C3orf22: variants seen among roughly 807,000 people sequenced by gnomAD.
The protein encoded by C3orf22 is chromosome 3 open reading frame 22.
In C3orf22, 7 loss-of-function variants were observed where a neutral mutation model predicts 10.8. That is an observed-to-expected ratio of 0.65 (90% CI 0.37 to 1.22). The LOEUF (loss-of-function observed/expected upper bound fraction) is 1.22. Ranked by LOEUF, C3orf22 falls within the 50% of genes most tolerant of loss-of-function variation. The pLI is 0.02. For synonymous variants in C3orf22, 79 were observed against 78.9 expected, an observed-to-expected ratio of 1.00 and a Z score of 0.00; for missense variants, 173 against 177.0, an observed-to-expected ratio of 0.98 and a Z score of 0.13.
At chr3:126,557,449 G>C (rs1358426009) in intron 1 of C3orf22, among the ~76,000 whole-genome samples, 2 of 152,176 alleles carry the variant, frequency 1.3e-5, no homozygotes, top group Non-Finnish European at 2.9e-5. Context: ...CGGTGGGCTC[G>C]GGCAAGACTG....
At chr3:126,557,424 G>C (rs142759030) in intron 1 of C3orf22, among the ~76,000 whole-genome samples, 1 of 152,220 alleles carries the variant, frequency 6.6e-6, no homozygotes, top group Admixed American at 6.5e-5. Context: ...TGGGATTCCG[G>C]AGTCCTCCAA....
At chr3:126,546,826 T>C (rs1937077635), downstream of C3orf22, among the ~76,000 whole-genome samples, 1 of 152,052 alleles carries the variant, frequency 6.6e-6, no homozygotes, top group African/African-American at 2.4e-5. Context: ...CCTCCCTACT[T>C]CTCTATGGGC....
chr3:126,550,766 G>C (rs1299364328), intron 3 of C3orf22, among the ~76,000 whole-genome samples: 2 of 152,192 alleles, frequency 1.3e-5, no homozygotes, highest in Non-Finnish European at 2.9e-5. Context: ...TGGGCCCTGG[G>C]AGCCGCTTGG....
chr3:126,537,740 C>A (rs567684726), intron 4 of C3orf22, among the ~76,000 whole-genome samples: 1 of 149,648 alleles, frequency 6.7e-6, no homozygotes, highest in East Asian at 1.9e-4. Flanking sequence ...TAGCACCTTG[C>A]GGCTGGAGAA....
At chr3:126,542,533 C>A in intron 4 of C3orf22, 4 of 1,535,876 alleles carry the variant, frequency 2.6e-6, no homozygotes, top group South Asian at 1.3e-5. Context: ...AGATGGACTT[C>A]CTGCTTTTCA....
intron 4 of C3orf22, chr3:126,536,314 G>T: frequency 1.2e-6 from 2 of 1,614,068 alleles, no homozygotes; most frequent in Non-Finnish European, 1.7e-6. Flanking sequence ...TTGGTGGGGA[G>T]AAGAGAAGCC....
intron 4 of C3orf22, among the ~76,000 whole-genome samples, chr3:126,540,253 C>CA (rs1383797742): frequency 2.0e-5 from 3 of 152,170 alleles, no homozygotes; most frequent in Non-Finnish European, 4.4e-5. Context: ...ACAACTCTTT[C>CA]AAACCCTACA....
intron 4 of C3orf22, among the ~76,000 whole-genome samples, chr3:126,539,575 A>G (rs1394249594): frequency 1.5e-5 from 2 of 134,318 alleles, no homozygotes; most frequent in Non-Finnish European, 3.2e-5. Flanking sequence ...ACACACACAT[A>G]TGTACCCCAC....
chr3:126,536,701 G>A (rs1437432762), intron 4 of C3orf22, among the ~76,000 whole-genome samples: 2 of 151,856 alleles, frequency 1.3e-5, no homozygotes, highest in Admixed American at 1.3e-4. Flanking sequence ...GCAGTGGGGA[G>A]GTGTGCAGGG....
At chr3:126,550,163 C>A in intron 3 of C3orf22, 85 bp from the exon 4 acceptor site, 1 of 1,475,744 alleles carries the variant, frequency 6.8e-7, no homozygotes, top group Non-Finnish European at 9.2e-7. Flanking sequence ...CAGCCAGGGC[C>A]ACATCTGGGA....
chr3:126,538,243 CCCA>C (rs2107569957), intron 4 of C3orf22, among the ~76,000 whole-genome samples: 1 of 152,342 alleles, frequency 6.6e-6, no homozygotes, highest in African/African-American at 2.4e-5. Flanking sequence ...CAGCCAGCTG[CCCA>C]CCATCGTCCT....
chr3:126,542,167 T>C (rs771050150), intron 4 of C3orf22: 1 of 1,491,204 alleles, frequency 6.7e-7, no homozygotes, highest in South Asian at 1.3e-5. Flanking sequence ...CACGCATCGT[T>C]CAGCGCCTGC....
chr3:126,550,892 G>T (rs2107580157), intron 3 of C3orf22, among the ~76,000 whole-genome samples: 1 of 152,358 alleles, frequency 6.6e-6, no homozygotes, highest in African/African-American at 2.4e-5. Context: ...CCCCACAGCT[G>T]CCCCTGACTC....
intron 4 of C3orf22, chr3:126,536,372 G>C (rs371306853): frequency 1.9e-4 from 310 of 1,599,826 alleles, no homozygotes; most frequent in Non-Finnish European, 2.5e-4. Flanking sequence ...ACAGACCCTC[G>C]ACCCAGGCAT....
intron 3 of C3orf22, among the ~76,000 whole-genome samples, chr3:126,551,732 T>C (rs543391426): frequency 1.3e-5 from 2 of 152,304 alleles, no homozygotes; most frequent in East Asian, 3.9e-4. Context: ...GAGGCCAGTT[T>C]CTCCACCACT....
At chr3:126,529,760 C>T (rs890245998) in intron 4 of C3orf22, among the ~76,000 whole-genome samples, 75 of 152,298 alleles carry the variant, frequency 4.9e-4, no homozygotes, top group African/African-American at 1.8e-3. Context: ...CCCTCCTCCC[C>T]TCCCATCATC....
At chr3:126,536,452 C>A in intron 4 of C3orf22, 1 of 868,534 alleles carries the variant, frequency 1.2e-6, no homozygotes, top group Non-Finnish European at 1.8e-6. Flanking sequence ...CTGGACCCCA[C>A]ACTGGGGCAC....
intron 4 of C3orf22, among the ~76,000 whole-genome samples, chr3:126,535,747 C>A (rs956152942): frequency 2.0e-5 from 3 of 152,262 alleles, no homozygotes; most frequent in Admixed American, 1.3e-4. Flanking sequence ...GATGGGGAAG[C>A]ACTGCTGTCA....
chr3:126,534,714 G>A (rs1362681139), intron 4 of C3orf22, among the ~76,000 whole-genome samples: 4 of 119,650 alleles, frequency 3.3e-5, no homozygotes, highest in African/African-American at 9.7e-5. Flanking sequence ...CCTCAGCCGG[G>A]AGACAGACAG....
Sources: allele counts gnomAD v4.1 joint callset (sites outside exome capture counted in the v4.1 genomes callset), GRCh38; gene constraint gnomAD v4.1.1; transcripts MANE v1.5; gene names NCBI Gene and HGNC (gene_info 2026-07-23, HGNC 2026-07-21).